The following CLCNKB variants were observed in gnomAD, a reference collection of about 807,000 sequenced individuals.
The protein encoded by CLCNKB is chloride channel protein ClC-Kb.
A neutral mutation model predicts 83.8 loss-of-function variants in CLCNKB; 74 were observed. The ratio of observed to expected loss-of-function variants is 0.88; its 90% CI spans 0.73 to 1.07. The LOEUF (loss-of-function observed/expected upper bound fraction) is 1.07. CLCNKB is among the 50% of genes least tolerant of loss of function. The pLI is 0.00. For missense variants in CLCNKB, 798 were observed against 893.6 expected (o/e 0.89, Z 1.36); for synonymous variants, 358 against 356.6 (o/e 1.00, Z -0.04).
At chr1:16,050,839 G>A in intron 11 of CLCNKB, 36 bp from the exon 12 acceptor site, 16 of 1,610,448 alleles carry the variant, frequency 9.9e-6, no homozygotes, top group African/African-American at 1.3e-5. Context: ...GCCGCTGGGG[G>A]CCCCTCATGT....
At chr1:16,055,553 G>A (rs776052057) in intron 17 of CLCNKB, 30 bp downstream of exon 17, 19 of 1,539,762 alleles carry the variant, frequency 1.2e-5, no homozygotes, top group Non-Finnish European at 1.5e-5. Flanking sequence ...ATGGGGATGG[G>A]GCGGGGGTGG....
intron 15 of CLCNKB, among the ~76,000 whole-genome samples, 200 bp downstream of exon 15, chr1:16,052,611 T>C (rs1405837789): frequency 6.6e-6 from 1 of 152,198 alleles, no homozygotes; most frequent in African/African-American, 2.4e-5. Context: ...CCTCAGTGTC[T>C]GTCTAGGGGT....
At chr1:16,045,303 C>A (rs1377421575) in intron 2 of CLCNKB, among the ~76,000 whole-genome samples, 1 of 152,170 alleles carries the variant, frequency 6.6e-6, no homozygotes, top group African/African-American at 2.4e-5. Context: ...GGCAGGGATG[C>A]GGAGGGTCGG....
At chr1:16,048,697 C>T in intron 7 of CLCNKB, 115 bp downstream of exon 7, 2 of 1,527,374 alleles carry the variant, frequency 1.3e-6, no homozygotes, top group Non-Finnish European at 8.9e-7. Flanking sequence ...TTCTAGTTCT[C>T]ACTTCAGCCC....
intron 16 of CLCNKB, among the ~76,000 whole-genome samples, 178 bp downstream of exon 16, chr1:16,053,950 T>C (rs2023370209): frequency 6.6e-6 from 1 of 152,142 alleles, no homozygotes; most frequent in Admixed American, 6.6e-5. Flanking sequence ...ATGGAAATCA[T>C]GGCCACCCTC....
intron 7 of CLCNKB, 60 bp downstream of exon 7, chr1:16,048,642 G>T (rs2023178692): frequency 2.5e-6 from 4 of 1,604,362 alleles, no homozygotes; most frequent in African/African-American, 2.8e-5. Context: ...CACACCCTGG[G>T]CTCCTTCGGC....
At chr1:16,055,315 AAT>A (rs1393263233) in intron 16 of CLCNKB, 118 bp from the exon 17 acceptor site, 1 of 818,174 alleles carries the variant, frequency 1.2e-6, no homozygotes, top group Admixed American at 2.0e-5. Flanking sequence ...AATGGGTGAC[AAT>A]AGTCACAATA....
Position 16,049,172 on chromosome 1 carries a change from C to G in CLCNKB, c.708C>G (p.Tyr236Ter). 1 of 1,613,510 alleles carries G rather than the reference C, an allele frequency of 6.2e-7. No individual in the cohort carries two copies. Among genetic ancestry groups the G allele is most frequent in the Non-Finnish European group, 8.5e-7 (1 of 1,179,998 alleles). Residue 236 changes from tyrosine (Y) to a stop codon, truncating the protein, a stop_gained, in exon 8 of 20, where the codon TAC becomes TAG. Coordinates refer to ENST00000375679, the MANE Select transcript of CLCNKB (RefSeq NM_000085.5). LOFTEE classifies it high-confidence loss of function. ...VMSSHFSVWDYWRGFFAATCG... is the reference protein window; with the variant it reads ...VMSSHFSVWD The stretch of plus-strand genomic sequence containing the variant: ...CTTCCCACTTCTCTGTCTGGGATTA[C>G]TGGAGGGGCTTCTTTGCGGCCACCT...
In CLCNKB at chr1:16,056,521, CG is replaced by C. The variant is rs149039746; in HGVS notation, c.2016+18del. The C allele has an allele frequency of 6.2e-3, 8,218 of 1,322,168 alleles. 373 individuals are homozygous for C. The African/African-American group carries it at 0.12, about 19-fold the overall frequency. 81.9% of individuals were successfully genotyped at this position (1,322,168 alleles called of 1,614,324 possible). A position where few individuals can be genotyped will look rare whatever the true frequency, so the allele number is the denominator to read the frequency against. ...GTCCTGGGTGGAGGTACCAGGGTCC[CG>C]GGGGCAGAGCAAAGCAGGGAACCTA... On this transcript the variant is annotated intron_variant, in intron 19 of 19. Transcript: ENST00000375679.
In CLCNKB at chr1:16,046,678, G is replaced by A. The variant is rs1394741065; in HGVS notation, c.358+15G>A. On this transcript the variant is annotated intron_variant, in intron 4 of 19. Coordinates refer to ENST00000375679, the MANE Select transcript of CLCNKB (RefSeq NM_000085.5). ...CTCCTCTGGAGGTGAGTCCACAGTC[G>A]CTACGCCAGTCCCCACTGGCCAAAA... 1.2e-5 allele frequency: 19 copies of A among 1,607,022 alleles called. No homozygotes were observed. The highest frequency in any genetic ancestry group is 4.1e-5 in the African/African-American group (3 of 74,022).
chr1:16,055,364 A>T, intron 16 of CLCNKB, 71 bp from the exon 17 acceptor site: 1 of 1,197,160 alleles, frequency 8.4e-7, no homozygotes, highest in Admixed American at 1.7e-5. Context: ...TTGGCTAAGT[A>T]GGTGCTAAGT....
At chr1:16,050,004 C>T in intron 10 of CLCNKB, 88 bp downstream of exon 10, 1 of 802,496 alleles carries the variant, frequency 1.2e-6, no homozygotes, top group Non-Finnish European at 2.0e-6. Flanking sequence ...CTACCCGCCA[C>T]CTGAGCCCCT....
chr1:16,056,324 C>T (rs1213832455), intron 18 of CLCNKB, 98 bp from the exon 19 acceptor site: 5 of 1,219,372 alleles, frequency 4.1e-6, no homozygotes, highest in Admixed American at 3.5e-5. Context: ...ACACATCAGG[C>T]CCCGCCCCTC....
chr1:16,054,722 G>C (rs2023390364), intron 16 of CLCNKB, among the ~76,000 whole-genome samples: 1 of 151,986 alleles, frequency 6.6e-6, no homozygotes, highest in Non-Finnish European at 1.5e-5. Context: ...ATCAAAGAAA[G>C]AACTAGCCTC....
In CLCNKB at chr1:16,049,668, G is replaced by C. The variant is rs746456613; in HGVS notation, c.832G>C (p.Asp278His). Residue 278 changes from aspartate to histidine, a missense_variant, in exon 9 of 20, where the codon GAC becomes CAC. Physicochemically the swap from Asp to His is moderately conservative, Grantham distance 81. Coordinates refer to ENST00000375679, the MANE Select transcript of CLCNKB (RefSeq NM_000085.5). ...CAGTTTCCGGGTGGACGTTCCCTTCGACCTGCCTGAGATCTTCTTTTTTGT... is the reference window on the plus strand; with the variant it reads ...CAGTTTCCGGGTGGACGTTCCCTTCCACCTGCCTGAGATCTTCTTTTTTGT... Reference protein sequence around the residue: ...KTSFRVDVPFDLPEIFFFVAL... With the variant: ...KTSFRVDVPFHLPEIFFFVAL... 5 of 1,610,904 alleles carry C rather than the reference G, an allele frequency of 3.1e-6. No individual in the cohort carries two copies. The highest frequency in any genetic ancestry group is 1.1e-5 in the South Asian group (1 of 90,936).
At chr1:16,052,907 C>T (rs1422026912) in intron 15 of CLCNKB, among the ~76,000 whole-genome samples, 1 of 152,214 alleles carries the variant, frequency 6.6e-6, no homozygotes, top group Non-Finnish European at 1.5e-5. Context: ...GTCCCTGGGT[C>T]TGAGGCCCCG....
In CLCNKB at chr1:16,052,199, G is replaced by A. The variant is rs2023315453; in HGVS notation, c.1410G>A (p.Gly470=). The change falls in exon 15 of 20, where the codon GGG becomes GGA. Residue 470 remains glycine, a splice_region_variant and synonymous_variant. Coordinates refer to ENST00000375679, the MANE Select transcript of CLCNKB (RefSeq NM_000085.5). ...PIMPGGYALA[G]AAAFSGAVTH... is the part of the protein sequence containing the mutation. ...CCCTGCCTGACTCTGCCCTTGCAGG[G>A]GCTGCAGCCTTCTCAGGGGCTGTGA... 7 of 1,612,934 alleles carry A rather than the reference G, an allele frequency of 4.3e-6. No individual in the cohort carries two copies. The South Asian group carries it at 6.6e-5, about 15-fold the overall frequency.
intron 15 of CLCNKB, among the ~76,000 whole-genome samples, 188 bp from the exon 16 acceptor site, chr1:16,053,451 C>T (rs373776944): frequency 8.5e-5 from 13 of 152,272 alleles, no homozygotes; most frequent in Admixed American, 2.0e-4. Flanking sequence ...GGGTCATCGG[C>T]GATGTGGTCC....
chr1:16,045,767 T>G, intron 3 of CLCNKB, 81 bp downstream of exon 3: 1 of 705,540 alleles, frequency 1.4e-6, no homozygotes, highest in Non-Finnish European at 2.3e-6. Flanking sequence ...TGTCGCCAGG[T>G]GCAGCGGAGG....
Sources: gnomAD v4.1 joint callset for allele counts (sites outside exome capture counted in the v4.1 genomes callset) on GRCh38, gnomAD v4.1.1 for gene constraint, MANE v1.5 for transcripts, NCBI Gene and HGNC (gene_info 2026-07-23, HGNC 2026-07-21) for gene names.